PLPPR4: variants seen among roughly 807,000 people sequenced by gnomAD.
PLPPR4 encodes the protein phospholipid phosphatase-related protein type 4.
Under a neutral mutation model 56.6 loss-of-function variants are expected in PLPPR4, and 24 were observed. The observed-to-expected ratio is 0.42, with a 90% CI of 0.31 to 0.60. The LOEUF (loss-of-function observed/expected upper bound fraction) is 0.60. Among genes scored for constraint, PLPPR4 ranks in the 20% least tolerant of loss-of-function variants. PLPPR4 has a pLI of 0.13. For missense variants in PLPPR4, 654 were observed against 885.8 expected (o/e 0.74, Z 3.32); for synonymous variants, 326 against 328.1 (o/e 0.99, Z 0.07).
Position 99,296,885 on chromosome 1 carries a change from CAAAGA to C in PLPPR4, c.394+26_394+30del. 6.6e-7 allele frequency: 1 copy of C among 1,504,604 alleles called. No individual in the cohort carries two copies. Among genetic ancestry groups the C allele is most frequent in the Non-Finnish European group, 8.9e-7 (1 of 1,121,016 alleles). 93.2% of individuals were successfully genotyped at this position (1,504,604 alleles called of 1,614,324 possible). ...ATTCGTTGGTGGGTGTGGGGAACCA[CAAAGA>C]AAAGAAATGCTTTTTTTTTTATATT... On this transcript the variant is annotated intron_variant, in intron 3 of 6. Coordinates refer to ENST00000370185, the MANE Select transcript of PLPPR4 (RefSeq NM_014839.5).
At chr1:99,287,112 C>A (rs1659484148) in intron 1 of PLPPR4, among the ~76,000 whole-genome samples, 1 of 152,104 alleles carries the variant, frequency 6.6e-6, no homozygotes, top group Non-Finnish European at 1.5e-5. Context: ...ATGTTAAACT[C>A]CCAGTTATGA....
At chr1:99,264,713 G>A (rs983533822) in intron 1 of PLPPR4, 42 bp downstream of exon 1, 14 of 1,544,230 alleles carry the variant, frequency 9.1e-6, no homozygotes, top group Middle Eastern at 1.7e-4. Context: ...GATCCTCTGG[G>A]CATCTCCTGA....
rs1250333860 is a variant in PLPPR4, at chr1:99,308,992, A to G, written c.*1982A>G. Reference sequence around the variant, plus strand: ...AGTATGATATTTCCTAATCTTTCCTATTTCTTAACAAAAGATTTTAAAGTA... The same window carrying G: ...AGTATGATATTTCCTAATCTTTCCTGTTTCTTAACAAAAGATTTTAAAGTA... On this transcript the variant is annotated 3_prime_UTR_variant, in exon 7 of 7. Transcript: ENST00000370185. The G allele has an allele frequency of 2.0e-5, 3 of 152,534 alleles. No individual in the cohort carries two copies. The highest frequency in any genetic ancestry group is 7.2e-5 in the African/African-American group (3 of 41,404). 9.4% of individuals were successfully genotyped at this position (152,534 alleles called of 1,614,324 possible). A position where few individuals can be genotyped will look rare whatever the true frequency, so the allele number is the denominator to read the frequency against.
chr1:99,271,219 T>TA (rs1023288232), intron 1 of PLPPR4, among the ~76,000 whole-genome samples: 33 of 152,332 alleles, frequency 2.2e-4, no homozygotes, highest in African/African-American at 6.3e-4. Context: ...ACTCTCTAGA[T>TA]ACATTACTTT....
At chr1:99,286,587 G>A (rs1208495481) in intron 1 of PLPPR4, among the ~76,000 whole-genome samples, 1 of 152,096 alleles carries the variant, frequency 6.6e-6, no homozygotes, top group African/African-American at 2.4e-5. Flanking sequence ...ATCTACCTTG[G>A]GTAAAGCGTG....
intron 5 of PLPPR4, among the ~76,000 whole-genome samples, chr1:99,301,342 A>G (rs1399655940): frequency 6.6e-6 from 1 of 151,910 alleles, no homozygotes; most frequent in Non-Finnish European, 1.5e-5. Flanking sequence ...GTATTTCTGT[A>G]ACAATAAGTT....
chr1:99,273,036 G>C (rs1659098137), intron 1 of PLPPR4, among the ~76,000 whole-genome samples: 1 of 152,126 alleles, frequency 6.6e-6, no homozygotes, highest in South Asian at 2.1e-4. Flanking sequence ...GTATGAATTA[G>C]CTGAGAAATG....
chr1:99,277,392 T>G (rs1421501222), intron 1 of PLPPR4, among the ~76,000 whole-genome samples: 1 of 152,214 alleles, frequency 6.6e-6, no homozygotes, highest in East Asian at 1.9e-4. Context: ...GTCAGAATTG[T>G]GTAAGCTGAA....
intron 1 of PLPPR4, among the ~76,000 whole-genome samples, chr1:99,271,082 C>T (rs1470666763): frequency 1.3e-5 from 2 of 152,070 alleles, no homozygotes; most frequent in African/African-American, 2.4e-5. Context: ...TGATTTTTTT[C>T]TACTTTTCTC....
intron 3 of PLPPR4, among the ~76,000 whole-genome samples, chr1:99,298,095 C>T (rs1659787785): frequency 6.6e-6 from 1 of 152,084 alleles, no homozygotes; most frequent in Non-Finnish European, 1.5e-5. Context: ...TGACAGTAAG[C>T]AGTGAAGAAA....
chr1:99,284,667 A>G (rs1659418017), intron 1 of PLPPR4, among the ~76,000 whole-genome samples: 1 of 151,768 alleles, frequency 6.6e-6, no homozygotes, highest in East Asian at 1.9e-4. Context: ...ATATATGGAA[A>G]ATTATATAAT....
Position 99,306,102 on chromosome 1 carries a change from T to A in PLPPR4, c.1240T>A (p.Leu414Met). 1.2e-6 allele frequency: 2 copies of A among 1,614,120 alleles called. No homozygotes were observed. The highest frequency in any genetic ancestry group is 1.7e-6 in the Non-Finnish European group (2 of 1,180,014). Residue 414 changes from leucine to methionine, a missense_variant, in exon 7 of 7, where the codon TTG becomes ATG. By Grantham distance (15) the Leu-to-Met change is conservative. This residue lies in a region of PLPPR4 where 468 missense variants were observed against 554.3 expected (regional missense o/e 0.84). Transcript: ENST00000370185. The surrounding 1 kb of genome is among the most constrained non-coding windows in gnomAD (Gnocchi z 4.0). ...KNKNESRKLSLQVIEPEPGQS... is the reference protein window; with the variant it reads ...KNKNESRKLSMQVIEPEPGQS... The stretch of plus-strand genomic sequence containing the variant: ...TAAGAATGAAAGTCGAAAGTTGTCC[T>A]TGCAAGTTATAGAGCCTGAGCCTGG...
intron 2 of PLPPR4, among the ~76,000 whole-genome samples, chr1:99,294,438 G>A (rs1659692957): frequency 1.8e-5 from 2 of 114,132 alleles, no homozygotes; most frequent in South Asian, 5.3e-4. Flanking sequence ...GCTCATGCCT[G>A]TAATCCCAGC....
At chr1:99,294,098 CAA>C (rs397714686) in intron 2 of PLPPR4, among the ~76,000 whole-genome samples, 1 of 146,102 alleles carries the variant, frequency 6.8e-6, no homozygotes. Context: ...CTGTGCCATT[CAA>C]AAAAAAAAAA....
intron 1 of PLPPR4, among the ~76,000 whole-genome samples, chr1:99,283,677 G>A (rs532129832): frequency 1.8e-3 from 273 of 152,296 alleles, no homozygotes; most frequent in Middle Eastern, 6.8e-3. Flanking sequence ...TTGGCTGGGC[G>A]CGGTGGCTCA....
intron 5 of PLPPR4, 40 bp from the exon 6 acceptor site, chr1:99,301,684 G>A (rs1202094279): frequency 7.1e-7 from 1 of 1,403,150 alleles, no homozygotes; most frequent in Admixed American, 2.1e-5. Flanking sequence ...TAATAAAATG[G>A]CCTTTCTAAC....
intron 6 of PLPPR4, among the ~76,000 whole-genome samples, chr1:99,303,155 T>C (rs755223575): frequency 6.6e-6 from 1 of 151,714 alleles, no homozygotes; most frequent in Non-Finnish European, 1.5e-5. Context: ...TTCCATGGGG[T>C]AAAGAAAGAA....
intron 2 of PLPPR4, among the ~76,000 whole-genome samples, chr1:99,288,944 T>G (rs984657396): frequency 6.6e-6 from 1 of 152,102 alleles, no homozygotes; most frequent in Non-Finnish European, 1.5e-5. Flanking sequence ...AAATAAAATA[T>G]GTACATAAAG....
chr1:99,267,354 G>A (rs933838945), intron 1 of PLPPR4, among the ~76,000 whole-genome samples: 2 of 152,224 alleles, frequency 1.3e-5, no homozygotes, highest in African/African-American at 4.8e-5. Flanking sequence ...CAGGAAAATG[G>A]CAGCATGCTC....
Sources: allele counts gnomAD v4.1 joint callset (sites outside exome capture counted in the v4.1 genomes callset), GRCh38; gene constraint gnomAD v4.1.1; regional missense constraint gnomAD v4.1.1; non-coding constraint Gnocchi (gnomAD v3.1); transcripts MANE v1.5; gene names NCBI Gene and HGNC (gene_info 2026-07-23, HGNC 2026-07-21).